PHACTR3: variants seen among roughly 807,000 people sequenced by gnomAD.
PHACTR3 encodes the protein protein phosphatase 1, regulatory subunit 123.
In PHACTR3, 16 loss-of-function variants were observed where a neutral mutation model predicts 66.8. That is an observed-to-expected ratio of 0.24 (90% CI 0.16 to 0.36). PHACTR3 has a LOEUF of 0.36. PHACTR3 is among the 10% of genes least tolerant of loss of function. The pLI is 1.00. For synonymous variants in PHACTR3, 323 were observed against 292.1 expected, an observed-to-expected ratio of 1.11 and a Z score of -1.08; for missense variants, 647 against 719.9, an observed-to-expected ratio of 0.90 and a Z score of 1.16.
chr20:59,774,850 C>T lies in PHACTR3; in HGVS notation c.1174+360C>T, dbSNP rs75820549. ...TGGCGAACAGTATATAGTTGGTGTA[C>T]AGATGCTCAGTGTACAGAAGTTATA... On this transcript the variant is annotated intron_variant, in intron 7 of 12. Transcript: ENST00000371015. Among the ~76,000 whole-genome samples, 1,142 of 151,496 alleles carry T rather than the reference C, an allele frequency of 7.5e-3. 16 individuals carry two copies. Among genetic ancestry groups the T allele is most frequent in the African/African-American group, 0.027 (1,104 of 41,266 alleles).
At chr20:59,697,147 AAAGGCTCAG>A (rs2037327350) in intron 1 of PHACTR3, among the ~76,000 whole-genome samples, 1 of 152,152 alleles carries the variant, frequency 6.6e-6, no homozygotes, top group South Asian at 2.1e-4. Flanking sequence ...GATATGAAAC[AAAGGCTCAG>A]AAGGCTCAGA....
chr20:59,843,296 GCAATC>G (rs1051419942), intron 11 of PHACTR3, among the ~76,000 whole-genome samples: 1 of 151,982 alleles, frequency 6.6e-6, no homozygotes, highest in Non-Finnish European at 1.5e-5. Flanking sequence ...AATGACCAAT[GCAATC>G]CCTATCAAAA....
intron 1 of PHACTR3, among the ~76,000 whole-genome samples, chr20:59,654,682 C>T (rs1262525625): frequency 6.6e-6 from 1 of 152,102 alleles, no homozygotes; most frequent in Non-Finnish European, 1.5e-5. Flanking sequence ...AATTGACCAG[C>T]TTCTCAAATA....
chr20:59,640,927 TA>T lies in PHACTR3; in HGVS notation c.118+35796del, dbSNP rs562077396. Among the ~76,000 whole-genome samples the T allele has an allele frequency of 2.0e-5, 3 of 152,322 alleles. No individual in the cohort carries two copies. The East Asian group carries it at 5.8e-4, about 29-fold the overall frequency. ...TAGAGTAGGGACTCATAACCAAGTT[TA>T]TGCCATTATTGTTACAGGTTTCTTT... On this transcript the variant is annotated intron_variant, in intron 1 of 12. Coordinates refer to ENST00000371015, the MANE Select transcript of PHACTR3 (RefSeq NM_080672.5).
chr20:59,824,778 T>G (rs886709370), intron 8 of PHACTR3, among the ~76,000 whole-genome samples: 7 of 151,258 alleles, frequency 4.6e-5, no homozygotes, highest in East Asian at 2.0e-4. Context: ...GCCCCACCAG[T>G]GGGGGGGCGG....
chr20:59,772,230 CTG>C (rs1343219613), intron 5 of PHACTR3, among the ~76,000 whole-genome samples: 1 of 152,212 alleles, frequency 6.6e-6, no homozygotes, highest in African/African-American at 2.4e-5. Context: ...ATGCAGGAGA[CTG>C]TCATTGATGG....
At chr20:59,680,443 G>A (rs2036601525) in intron 1 of PHACTR3, among the ~76,000 whole-genome samples, 1 of 152,134 alleles carries the variant, frequency 6.6e-6, no homozygotes, top group African/African-American at 2.4e-5. Flanking sequence ...CAGTCTGGTG[G>A]TGGCAGACTG....
At chr20:59,585,801 C>A (rs114496639) in intron 1 of PHACTR3, among the ~76,000 whole-genome samples, 331 of 152,306 alleles carry the variant, frequency 2.2e-3, no homozygotes, top group African/African-American at 7.5e-3. Flanking sequence ...TACTGTCGCT[C>A]TGACATTGAG....
At chr20:59,627,326 C>T (rs1003534082) in intron 1 of PHACTR3, among the ~76,000 whole-genome samples, 1 of 152,206 alleles carries the variant, frequency 6.6e-6, no homozygotes, top group Admixed American at 6.5e-5. Flanking sequence ...CTACCTTCAC[C>T]TAAGCCCGCC....
intron 1 of PHACTR3, among the ~76,000 whole-genome samples, chr20:59,627,579 A>G (rs965985950): frequency 6.6e-6 from 1 of 152,166 alleles, no homozygotes; most frequent in Non-Finnish European, 1.5e-5. Context: ...TGAGAGACCT[A>G]TCAGATCCCC....
intron 1 of PHACTR3, among the ~76,000 whole-genome samples, chr20:59,687,342 ATGT>A (rs1403424618): frequency 6.6e-6 from 1 of 152,088 alleles, no homozygotes; most frequent in Non-Finnish European, 1.5e-5. Flanking sequence ...AATGAGGGTG[ATGT>A]TGTTACCTTG....
intron 8 of PHACTR3, among the ~76,000 whole-genome samples, chr20:59,832,278 G>A (rs752338): frequency 0.9 from 137,351 of 152,290 alleles, 62,930 homozygotes; most frequent in East Asian, 1. Context: ...CATCAGGCTC[G>A]TCACCATTTT....
intron 1 of PHACTR3, among the ~76,000 whole-genome samples, chr20:59,729,159 C>CG (rs1280840720): frequency 6.6e-6 from 1 of 151,944 alleles, no homozygotes; most frequent in African/African-American, 2.4e-5. Context: ...CAGGGTAAGG[C>CG]GGGGTCAGGG....
chr20:59,728,239 G>A (rs568279964), intron 1 of PHACTR3, among the ~76,000 whole-genome samples: 22 of 152,168 alleles, frequency 1.4e-4, no homozygotes, highest in East Asian at 7.7e-4. Flanking sequence ...GGCTCCTTTC[G>A]TTTAGCACCA....
intron 1 of PHACTR3, among the ~76,000 whole-genome samples, chr20:59,662,523 A>G (rs2035845013): frequency 6.6e-6 from 1 of 152,188 alleles, no homozygotes; most frequent in Non-Finnish European, 1.5e-5. Context: ...GGAAGCATGC[A>G]CGTTGCTAAT....
At position 59,644,098 on chromosome 20, in the gene PHACTR3, G is replaced by T. The variant is rs373136495; in HGVS notation, c.118+38966G>T. Among the ~76,000 whole-genome samples the T allele has an allele frequency of 4.6e-5, 7 of 152,158 alleles. No homozygotes were observed. In the East Asian group the frequency reaches 1.3e-3, roughly 29 times the overall value. Reference sequence around the variant, plus strand: ...CACTGAGAAACTGCTAAAGGTTATGGATGCAATGGAGGCTTCTGGTATAGT... The same window carrying T: ...CACTGAGAAACTGCTAAAGGTTATGTATGCAATGGAGGCTTCTGGTATAGT... On this transcript the variant is annotated intron_variant, in intron 1 of 12. Transcript: ENST00000371015.
intron 4 of PHACTR3, among the ~76,000 whole-genome samples, chr20:59,759,156 C>T (rs982532631): frequency 6.6e-6 from 1 of 152,322 alleles, no homozygotes; most frequent in African/African-American, 2.4e-5. Flanking sequence ...GGGCCACCTG[C>T]AGTTTGCTAT....
intron 11 of PHACTR3, among the ~76,000 whole-genome samples, chr20:59,843,234 G>GATATCTCATGCT (rs1245837379): frequency 6.6e-6 from 1 of 152,044 alleles, no homozygotes; most frequent in African/African-American, 2.4e-5. Context: ...CAAATGGAAA[G>GATATCTCATGCT]ATATCTCATG....
At chr20:59,737,398 G>A (rs928301741) in intron 1 of PHACTR3, among the ~76,000 whole-genome samples, 4 of 152,204 alleles carry the variant, frequency 2.6e-5, no homozygotes, top group African/African-American at 9.6e-5. Flanking sequence ...TCCATCAAGG[G>A]CCTGCAGTCA....
Sources: gnomAD v4.1 joint callset for allele counts (sites outside exome capture counted in the v4.1 genomes callset) on GRCh38, gnomAD v4.1.1 for gene constraint, MANE v1.5 for transcripts, NCBI Gene and HGNC (gene_info 2026-07-23, HGNC 2026-07-21) for gene names.